ATN1: variants seen among roughly 807,000 people sequenced by gnomAD.
The protein encoded by ATN1 is atrophin-1.
A neutral mutation model predicts 85.8 loss-of-function variants in ATN1; 19 were observed. That is an observed-to-expected ratio of 0.22 (90% CI 0.15 to 0.32). The LOEUF (loss-of-function observed/expected upper bound fraction) is 0.32, where lower values mean the gene tolerates loss of function less well. ATN1 is among the 10% of genes least tolerant of loss of function. The pLI is 1.00. For missense variants in ATN1, 1,453 were observed against 1,564.5 expected (o/e 0.93, Z 1.20); for synonymous variants, 674 against 657.0 (o/e 1.03, Z -0.39).
upstream of ATN1, among the ~76,000 whole-genome samples, chr12:6,926,764 CG>C (rs1331736173): frequency 6.6e-6 from 1 of 152,120 alleles, no homozygotes. Flanking sequence ...GCCCCCGCAC[CG>C]GCCCCATCTC....
rs1444395933 is a variant in ATN1 at position 6,935,899 on chromosome 12, G to C, written c.632G>C (p.Gly211Ala). ...TCTCGAATGTTCCAGGCTCCTCCTG[G>C]GGCCCCTCCCCCTCACCCACAGCTC... ...PTSRMFQAPPGAPPPHPQLYP... is the reference protein window; with the variant it reads ...PTSRMFQAPPAAPPPHPQLYP... The change falls in exon 5 of 10, where the codon GGG becomes GCG. Residue 211 changes from glycine (G) to alanine (A), a missense_variant. Transcript: ENST00000396684. This position sits in a 1 kb window ranked among gnomAD's most constrained non-coding sequence, Gnocchi z 5.3. 1 of 1,611,890 alleles carries C rather than the reference G, an allele frequency of 6.2e-7. No individual in the cohort carries two copies. The highest frequency in any genetic ancestry group is 8.5e-7 in the Non-Finnish European group (1 of 1,178,824).
At chr12:6,932,622 C>A (rs1945479992) in intron 1 of ATN1, among the ~76,000 whole-genome samples, 1 of 152,152 alleles carries the variant, frequency 6.6e-6, no homozygotes, top group African/African-American at 2.4e-5. Context: ...CAGTCTACAC[C>A]AAGTAGGAGG....
rs906536597 is a variant in ATN1, at chr12:6,938,517, C to G, written c.2554C>G (p.Pro852Ala). Reference protein sequence around the residue: ...AQEGRAPVECPSLGPVPHRPP... With the variant: ...AQEGRAPVECASLGPVPHRPP... ...GGAGGGCCGTGCTCCGGTGGAATGCCCATCTCTGGGCCCAGTGCCCCATCG... is the reference window on the plus strand; with the variant it reads ...GGAGGGCCGTGCTCCGGTGGAATGCGCATCTCTGGGCCCAGTGCCCCATCG... Residue 852 changes from proline to alanine, a missense_variant, in exon 7 of 10, where the codon CCA becomes GCA. Physicochemically the swap from Pro to Ala is conservative, Grantham distance 27. Transcript: ENST00000396684. The G allele has an allele frequency of 5.0e-6, 8 of 1,612,602 alleles. No homozygotes were observed. Among genetic ancestry groups the G allele is most frequent in the Non-Finnish European group, 6.8e-6 (8 of 1,178,748 alleles).
At chr12:6,932,034 CAAAAAA>C (rs34374667) in intron 1 of ATN1, among the ~76,000 whole-genome samples, 26 of 50,710 alleles carry the variant, frequency 5.1e-4, no homozygotes, top group East Asian at 1.5e-3. Flanking sequence ...AACTCTGTCT[CAAAAAA>C]AAAAAAAAAA....
In ATN1 at chr12:6,928,038, G is replaced by A. The variant is rs1265582166; in HGVS notation, c.-509G>A. Among the ~76,000 whole-genome samples the A allele has an allele frequency of 2.8e-5, 4 of 144,226 alleles. No homozygotes were observed. Among genetic ancestry groups the A allele is most frequent in the Non-Finnish European group, 4.6e-5 (3 of 65,024 alleles). The allele number at this position is 144,226 out of a possible 152,430, so 94.6% of individuals were successfully genotyped here. On this transcript the variant is annotated 5_prime_UTR_variant, in exon 1 of 10. Transcript: ENST00000396684. The stretch of plus-strand genomic sequence containing the variant: ...GCGCGGGCGGCGGCGGGTCGGAACC[G>A]CGCCGAGGGCCGGGCGGGCCGCGGG...
Position 6,940,889 on chromosome 12 carries a change from C to T in ATN1, c.3224C>T (p.Ser1075Leu). 2 of 1,614,206 alleles carry T rather than the reference C, an allele frequency of 1.2e-6. No individual in the cohort carries two copies. Among genetic ancestry groups the T allele is most frequent in the Middle Eastern group, 1.6e-4 (1 of 6,062 alleles). Residue 1075 changes from serine to leucine, a missense_variant, in exon 8 of 10, where the codon TCG becomes TTG. By Grantham distance (145) the Ser-to-Leu change is moderately radical. Around this residue, in one of 6 missense-constraint regions of ATN1, gnomAD observed 118 missense variants for 163.7 expected, o/e 0.72. Coordinates refer to ENST00000396684, the MANE Select transcript of ATN1 (RefSeq NM_001940.4). ...CTTCTCTGCCCTCCAGCCTCTGCCT[C>T]GGTGCACCCTCTCATTGACCCCCTG... ...QQDAIHAASA[S>L]VHPLIDPLAS...
Position 6,933,892 on chromosome 12 carries a change from T to TG in ATN1, c.-108dup, listed in dbSNP as rs1945496494. On this transcript the variant is annotated 5_prime_UTR_variant, in exon 2 of 10. Coordinates refer to ENST00000396684, the MANE Select transcript of ATN1 (RefSeq NM_001940.4). ...GTTCCAGGTGCCCACACTGGAAACT[T>TG]GGAGATCCTGCTTCCCAGACCACAG... 6 of 1,376,886 alleles carry TG rather than the reference T, an allele frequency of 4.4e-6. No homozygotes were observed. Among genetic ancestry groups the TG allele is most frequent in the Admixed American group, 2.2e-5 (1 of 45,508 alleles). 85.3% of individuals were successfully genotyped at this position (1,376,886 alleles called of 1,614,324 possible).
Position 6,941,949 on chromosome 12 carries a change from A to G in ATN1, c.*169A>G. Reference sequence around the variant, plus strand: ...GGGAGGGAGGGACAGACAGAAGGCCAAGGCCCGATGTGGTGTGCAGAGGTG... The same window carrying G: ...GGGAGGGAGGGACAGACAGAAGGCCGAGGCCCGATGTGGTGTGCAGAGGTG... On this transcript the variant is annotated 3_prime_UTR_variant, in exon 10 of 10. Transcript: ENST00000396684. The surrounding 1 kb of genome is among the most constrained non-coding windows in gnomAD (Gnocchi z 5.9). 1 of 684,504 alleles carries G rather than the reference A, an allele frequency of 1.5e-6. No individual in the cohort carries two copies. Among genetic ancestry groups the G allele is most frequent in the Non-Finnish European group, 2.6e-6 (1 of 390,806 alleles). The allele number at this position is 684,504 out of a possible 1,614,324, so 42.4% of individuals were successfully genotyped here. A position where few individuals can be genotyped will look rare whatever the true frequency, so the allele number is the denominator to read the frequency against.
intron 7 of ATN1, among the ~76,000 whole-genome samples, chr12:6,940,607 C>G (rs1945621176): frequency 6.6e-6 from 1 of 152,126 alleles, no homozygotes; most frequent in South Asian, 2.1e-4. Flanking sequence ...CATCTTCCAC[C>G]TTCTTCACGC....
intron 7 of ATN1, among the ~76,000 whole-genome samples, chr12:6,940,194 G>A (rs1172540385): frequency 1.3e-5 from 2 of 152,110 alleles, no homozygotes; most frequent in Non-Finnish European, 2.9e-5. Context: ...GTTTCACCAT[G>A]TTGGCCAGGA....
Position 6,933,856 on chromosome 12 carries a change from A to G in ATN1, c.-146A>G. ...TTCTAACAGGTTTCATTGAAAACAG[A>G]TCCTGCAAAAGTTCCAGGTGCCCAC... On this transcript the variant is annotated 5_prime_UTR_variant, in exon 2 of 10. Coordinates refer to ENST00000396684, the MANE Select transcript of ATN1 (RefSeq NM_001940.4). 1 of 879,246 alleles carries G rather than the reference A, an allele frequency of 1.1e-6. No individual in the cohort carries two copies. Among genetic ancestry groups the G allele is most frequent in the Non-Finnish European group, 1.8e-6 (1 of 559,826 alleles). 54.5% of individuals were successfully genotyped at this position (879,246 alleles called of 1,614,324 possible).
At chr12:6,932,187 TCA>T (rs1945474994) in intron 1 of ATN1, among the ~76,000 whole-genome samples, 1 of 152,166 alleles carries the variant, frequency 6.6e-6, no homozygotes, top group Non-Finnish European at 1.5e-5. Context: ...ACTGCCTGCA[TCA>T]GTATGGTTCC....
upstream of ATN1, among the ~76,000 whole-genome samples, chr12:6,925,121 T>C (rs1421287517): frequency 6.9e-6 from 1 of 145,120 alleles, no homozygotes; most frequent in South Asian, 2.1e-4. Context: ...CGTGTGCGTG[T>C]GTGTGTGTGT....
intron 7 of ATN1, among the ~76,000 whole-genome samples, chr12:6,939,690 C>T (rs185991055): frequency 4.1e-4 from 63 of 152,166 alleles, no homozygotes; most frequent in African/African-American, 1.3e-3. Flanking sequence ...TTGGTAGAGA[C>T]GGGGTTTCGC....
In ATN1 at chr12:6,936,283, T is replaced by C. The variant is rs1945531535; in HGVS notation, c.1016T>C (p.Met339Thr). 1.2e-6 allele frequency: 2 copies of C among 1,613,782 alleles called. No individual in the cohort carries two copies. The highest frequency in any genetic ancestry group is 1.7e-6 in the Non-Finnish European group (2 of 1,179,814). Reference sequence around the variant, plus strand: ...TCTCCCCACGCCATGGGACAGGGTATGGGTGGACTTCCTCCTGGCCCAGAG... The same window carrying C: ...TCTCCCCACGCCATGGGACAGGGTACGGGTGGACTTCCTCCTGGCCCAGAG... ...LPSPHAMGQG[M>T]GGLPPGPEKG... Residue 339 changes from methionine (M) to threonine (T), a missense_variant, in exon 5 of 10, where the codon ATG becomes ACG. Around this residue, in one of 6 missense-constraint regions of ATN1, gnomAD observed 990 missense variants for 914.8 expected, o/e 1.08. Transcript: ENST00000396684.
rs1555144294 is a variant in ATN1, at chr12:6,938,909, C to T, written c.2946C>T (p.Gly982=). Residue 982 remains glycine (G), a synonymous_variant, in exon 7 of 10, where the codon GGC becomes GGT. Coordinates refer to ENST00000396684, the MANE Select transcript of ATN1 (RefSeq NM_001940.4). Reference sequence around the variant, plus strand: ...ATGGGGGCCTGGCTCTGCAGCCTGGCCCACCTGGCCTGCACCCTTTCCCCT... The same window carrying T: ...ATGGGGGCCTGGCTCTGCAGCCTGGTCCACCTGGCCTGCACCCTTTCCCCT... ...PRHGGLALQP[G]PPGLHPFPFH... 1 of 1,614,040 alleles carries T rather than the reference C, an allele frequency of 6.2e-7. No individual in the cohort carries two copies. Among genetic ancestry groups the T allele is most frequent in the East Asian group, 2.2e-5 (1 of 44,876 alleles).
Position 6,938,032 on chromosome 12 carries a change from G to C in ATN1, c.2482G>C (p.Glu828Gln). The C allele has an allele frequency of 6.5e-7, 1 of 1,545,512 alleles. No homozygotes were observed. Among genetic ancestry groups the C allele is most frequent in the Non-Finnish European group, 8.7e-7 (1 of 1,146,050 alleles). The change falls in exon 6 of 10, where the codon GAG becomes CAG. Residue 828 changes from glutamate to glutamine, a missense_variant. Coordinates refer to ENST00000396684, the MANE Select transcript of ATN1 (RefSeq NM_001940.4). ...EREREREKER[E>Q]REKERELERS... ...CGAGCGGGAACGCGAGAAAGAGCGC[G>C]AGCGCGAGAAGGAGCGCGAGCTTGA...
upstream of ATN1, among the ~76,000 whole-genome samples, chr12:6,927,654 C>T (rs1180316997): frequency 2.0e-5 from 3 of 151,772 alleles, no homozygotes; most frequent in African/African-American, 7.3e-5. Flanking sequence ...CCGGCTCCCC[C>T]TCTCTCCCCC....
At position 6,938,025 on chromosome 12, in the gene ATN1, AGAGCGCGAGCGCGAGAAG is replaced by A. The variant is rs1367398901; in HGVS notation, c.2486_2503del (p.Arg829_Glu834del). ...GCGAGCGCGAGCGGGAACGCGAGAAAGAGCGCGAGCGCGAGAAGGAGCGCGAGCTTGAACGCAGCGTGG... is the reference window on the plus strand; with the variant it reads ...GCGAGCGCGAGCGGGAACGCGAGAAAGAGCGCGAGCTTGAACGCAGCGTGG... On this transcript the variant is annotated inframe_deletion, in exon 6 of 10. Coordinates refer to ENST00000396684, the MANE Select transcript of ATN1 (RefSeq NM_001940.4). 1.7e-5 allele frequency: 27 copies of A among 1,545,734 alleles called. No homozygotes were observed. The highest frequency in any genetic ancestry group is 3.7e-4 in the Middle Eastern group (2 of 5,402).
Sources: allele counts gnomAD v4.1 joint callset (sites outside exome capture counted in the v4.1 genomes callset), GRCh38; gene constraint gnomAD v4.1.1; regional missense constraint gnomAD v4.1.1; non-coding constraint Gnocchi (gnomAD v3.1); transcripts MANE v1.5; gene names NCBI Gene and HGNC (gene_info 2026-07-23, HGNC 2026-07-21).